Variants in MAF observed in about 807,000 individuals in gnomAD.
MAF encodes MAF bZIP transcription factor.
A neutral mutation model predicts 22.0 loss-of-function variants in MAF; 10 were observed. The observed-to-expected ratio is 0.45, with a 90% CI of 0.28 to 0.77. The LOEUF (loss-of-function observed/expected upper bound fraction) is 0.77, where lower values mean the gene tolerates loss of function less well. Ranked by LOEUF, MAF falls within the 30% of genes least tolerant of loss-of-function variation. MAF has a pLI of 0.12. For missense variants in MAF, 544 were observed against 548.4 expected (o/e 0.99, Z 0.08); for synonymous variants, 337 against 255.8 (o/e 1.32, Z -3.03).
At chr16:79,408,948 CTGCT>C in the MAF span, among the ~76,000 whole-genome samples, 2 of 67,204 alleles carry the variant, frequency 3.0e-5, no homozygotes, top group South Asian at 7.8e-4. Flanking sequence ...GTATTTTTTA[CTGCT>C]TTTTTTTTTT....
chr16:79,385,774 GC>G, the MAF span, among the ~76,000 whole-genome samples: 2 of 152,124 alleles, frequency 1.3e-5, no homozygotes, highest in Non-Finnish European at 2.9e-5. Flanking sequence ...GGTAGTACAC[GC>G]CTGTAATCCC....
the MAF span, among the ~76,000 whole-genome samples, chr16:79,404,549 C>G: frequency 1.3e-5 from 2 of 152,142 alleles, no homozygotes; most frequent in Admixed American, 6.5e-5. Flanking sequence ...GTCCTGAGAC[C>G]TGCACTTTAC....
chr16:79,397,842 GC>G, the MAF span, among the ~76,000 whole-genome samples: 17 of 152,322 alleles, frequency 1.1e-4, no homozygotes, highest in East Asian at 3.3e-3. Flanking sequence ...CTCTGGCCAT[GC>G]CCCAGCCAGG....
chr16:79,456,735 C>T, the MAF span, among the ~76,000 whole-genome samples: 1 of 152,110 alleles, frequency 6.6e-6, no homozygotes, highest in Non-Finnish European at 1.5e-5. Context: ...TAGAAACAGC[C>T]CTTTACAAGG....
chr16:79,476,108 G>C, the MAF span, among the ~76,000 whole-genome samples: 5 of 152,182 alleles, frequency 3.3e-5, no homozygotes, highest in African/African-American at 9.7e-5. Context: ...CAAAGCAGCA[G>C]AAACTTTCTC....
At chr16:79,536,702 A>G in the MAF span, among the ~76,000 whole-genome samples, 1 of 152,222 alleles carries the variant, frequency 6.6e-6, no homozygotes, top group Admixed American at 6.5e-5. Flanking sequence ...TGTCTGTACT[A>G]AACACATAGA....
the MAF span, among the ~76,000 whole-genome samples, chr16:79,282,715 C>G: frequency 6.6e-6 from 1 of 152,148 alleles, no homozygotes; most frequent in Non-Finnish European, 1.5e-5. Context: ...AAGTAGATCT[C>G]TTTACTTTCT....
the MAF span, chr16:79,211,652 A>C: frequency 1.9e-6 from 3 of 1,614,174 alleles, no homozygotes; most frequent in East Asian, 2.2e-5. Context: ...CTGTCCCAGA[A>C]CTGGAGGGTC....
the MAF span, among the ~76,000 whole-genome samples, chr16:79,514,853 G>A: frequency 2.0e-5 from 3 of 152,142 alleles, no homozygotes; most frequent in African/African-American, 2.4e-5. Context: ...ATTCTCCTGC[G>A]CTTCTCTCCA....
At chr16:79,241,762 TA>T in the MAF span, among the ~76,000 whole-genome samples, 1 of 151,194 alleles carries the variant, frequency 6.6e-6, no homozygotes, top group East Asian at 1.9e-4. Context: ...AAGGTTGAAA[TA>T]AAGGAGAAAA....
the MAF span, among the ~76,000 whole-genome samples, chr16:79,494,116 G>C: frequency 1.3e-5 from 2 of 152,072 alleles, no homozygotes; most frequent in Non-Finnish European, 2.9e-5. Context: ...AGTTGTATTG[G>C]TTTTCCATTG....
At chr16:79,460,329 G>T in the MAF span, among the ~76,000 whole-genome samples, 4 of 152,108 alleles carry the variant, frequency 2.6e-5, no homozygotes, top group African/African-American at 9.7e-5. Flanking sequence ...TAAAAGTGCT[G>T]AAGGAAACTA....
the MAF span, among the ~76,000 whole-genome samples, chr16:79,540,853 G>A: frequency 1.3e-5 from 2 of 151,916 alleles, no homozygotes; most frequent in Admixed American, 6.6e-5. Context: ...AAAATTTAGC[G>A]GCATCTGCAG....
chr16:79,573,995 G>A, the MAF span, among the ~76,000 whole-genome samples: 12 of 152,296 alleles, frequency 7.9e-5, no homozygotes, highest in South Asian at 1.0e-3. Flanking sequence ...ATACCGTGCC[G>A]CATTCTGGAA....
At chr16:79,246,929 T>C in the MAF span, among the ~76,000 whole-genome samples, 1 of 152,228 alleles carries the variant, frequency 6.6e-6, no homozygotes, top group African/African-American at 2.4e-5. Flanking sequence ...AGGTTCCTGT[T>C]CTAATGGAAC....
At chr16:79,539,492 A>C in the MAF span, among the ~76,000 whole-genome samples, 1 of 152,220 alleles carries the variant, frequency 6.6e-6, no homozygotes, top group African/African-American at 2.4e-5. Context: ...TGACAGAGCG[A>C]GACTCCACCT....
At chr16:79,507,756 G>A in the MAF span, among the ~76,000 whole-genome samples, 2 of 152,264 alleles carry the variant, frequency 1.3e-5, no homozygotes, top group Admixed American at 1.3e-4. Context: ...CATGTGTTTG[G>A]GAAATCTCGT....
the MAF span, among the ~76,000 whole-genome samples, chr16:79,285,365 C>T: frequency 6.6e-6 from 1 of 152,248 alleles, no homozygotes; most frequent in South Asian, 2.1e-4. Context: ...TGGCCTTGGA[C>T]CTAGAATTAG....
At chr16:79,458,025 A>G in the MAF span, among the ~76,000 whole-genome samples, 1 of 151,878 alleles carries the variant, frequency 6.6e-6, no homozygotes, top group Non-Finnish European at 1.5e-5. Context: ...TTTTTTTTTC[A>G]ATATGGATGA....
Sources: allele counts gnomAD v4.1 joint callset (sites outside exome capture counted in the v4.1 genomes callset), GRCh38; gene constraint gnomAD v4.1.1; transcripts MANE v1.5; gene names NCBI Gene and HGNC (gene_info 2026-07-23, HGNC 2026-07-21).